ALS2: variants seen among roughly 807,000 people sequenced by gnomAD.
ALS2 encodes alsin.
ALS2 carries 117 observed loss-of-function variants against 203.4 expected under a neutral mutation model. That is an observed-to-expected ratio of 0.58 (90% CI 0.50 to 0.67). The LOEUF (loss-of-function observed/expected upper bound fraction) is 0.67, where lower values mean the gene tolerates loss of function less well. Among genes scored for constraint, ALS2 ranks in the 30% least tolerant of loss-of-function variants. The pLI, the probability that ALS2 is intolerant of heterozygous loss-of-function variation, is 0.00. For missense variants in ALS2, 1,715 were observed against 1,989.4 expected, an observed-to-expected ratio of 0.86 and a Z score of 2.62; for synonymous variants, 718 against 725.9, an observed-to-expected ratio of 0.99 and a Z score of 0.17.
At position 201,728,463 on chromosome 2, in the gene ALS2, TA is replaced by T. The variant is rs141560438; in HGVS notation, c.2841+48del. On this transcript the variant is annotated intron_variant, in intron 15 of 33. Transcript: ENST00000264276. Reference sequence around the variant, plus strand: ...AAACTGATAGTACAGTTAATAAGGATAGGGGTCCACCTTTCAGGAATTCTTT... The same window carrying T: ...AAACTGATAGTACAGTTAATAAGGATGGGGTCCACCTTTCAGGAATTCTTT... The T allele has an allele frequency of 0.046, 73,514 of 1,609,216 alleles. 1,885 individuals are homozygous for T. The highest frequency in any genetic ancestry group is 0.051 in the Non-Finnish European group (59,794 of 1,175,666).
At chr2:201,711,336 G>A (rs1157483273) in intron 25 of ALS2, among the ~76,000 whole-genome samples, 1 of 152,106 alleles carries the variant, frequency 6.6e-6, no homozygotes, top group African/African-American at 2.4e-5. Flanking sequence ...AATTAATGAA[G>A]ATTCTACAAT....
At chr2:201,725,070 G>A (rs897157684) in intron 20 of ALS2, among the ~76,000 whole-genome samples, 9 of 148,742 alleles carry the variant, frequency 6.1e-5, no homozygotes, top group Non-Finnish European at 1.2e-4. Flanking sequence ...CCAAGATTGC[G>A]CCACTGCACT....
At chr2:201,717,686 G>A (rs1264902277) in intron 24 of ALS2, among the ~76,000 whole-genome samples, 38 of 150,424 alleles carry the variant, frequency 2.5e-4, no homozygotes, top group Non-Finnish European at 5.2e-4. Flanking sequence ...GCTCATACCT[G>A]TAATCCCAGC....
At chr2:201,743,170 G>C (rs1388180073) in intron 10 of ALS2, among the ~76,000 whole-genome samples, 1 of 152,026 alleles carries the variant, frequency 6.6e-6, no homozygotes, top group African/African-American at 2.4e-5. Flanking sequence ...CTGAATTCTG[G>C]GTCAACACAG....
chr2:201,771,892 C>T (rs1013342319), intron 1 of ALS2, among the ~76,000 whole-genome samples: 30 of 152,154 alleles, frequency 2.0e-4, no homozygotes, highest in African/African-American at 7.0e-4. Context: ...ACCTGTTAAC[C>T]AGCTCTGATA....
chr2:201,758,805 T>C (rs921220677), intron 4 of ALS2, among the ~76,000 whole-genome samples: 9 of 151,944 alleles, frequency 5.9e-5, no homozygotes, highest in African/African-American at 1.9e-4. Flanking sequence ...TATTTTAACA[T>C]TGGCATCTGA....
intron 1 of ALS2, among the ~76,000 whole-genome samples, chr2:201,775,416 G>A (rs563249806): frequency 1.3e-5 from 2 of 152,286 alleles, no homozygotes; most frequent in Admixed American, 6.5e-5. Context: ...ACACTTTGCA[G>A]TAAACAATAA....
chr2:201,704,127 A>G lies in ALS2; in HGVS notation c.4930T>C (p.Leu1644=). The G allele has an allele frequency of 6.2e-7, 1 of 1,607,216 alleles. No homozygotes were observed. Among genetic ancestry groups the G allele is most frequent in the Non-Finnish European group, 8.5e-7 (1 of 1,173,760 alleles). ...HGEQGIMFTT[L]KACYYQIQRE... ...TAAATAATAACTATACTCACCTTCA[A>G]GGTGGTGAACATTATACCCTGTTCC... The change falls in exon 33 of 34, where the codon TTG becomes CTG. Residue 1644 remains leucine, a synonymous_variant. Coordinates refer to ENST00000264276, the MANE Select transcript of ALS2 (RefSeq NM_020919.4).
intron 28 of ALS2, 91 bp downstream of exon 28, chr2:201,707,778 C>T (rs1394133589): frequency 6.6e-7 from 1 of 1,521,902 alleles, no homozygotes; most frequent in South Asian, 1.1e-5. Flanking sequence ...GGAAATAGAT[C>T]TAGAGAACAC....
Position 201,764,843 on chromosome 2 carries a change from C to T in ALS2, c.175+2386G>A, listed in dbSNP as rs113419145. Among the ~76,000 whole-genome samples, 291 of 152,178 alleles carry T rather than the reference C, an allele frequency of 1.9e-3. 1 individual carries two copies. The highest frequency in any genetic ancestry group is 6.4e-3 in the African/African-American group (265 of 41,534). ...ATTTCAAACATACACTTGTGTTAGA[C>T]GACGTTTTCTTTTGGTAACTGTGAC... On this transcript the variant is annotated intron_variant, in intron 3 of 33. Coordinates refer to ENST00000264276, the MANE Select transcript of ALS2 (RefSeq NM_020919.4).
rs367791277 is a variant in ALS2 at position 201,761,767 on chromosome 2, T to G, written c.227A>C (p.Glu76Ala). Residue 76 changes from glutamate (E) to alanine (A), a missense_variant, in exon 4 of 34, where the codon GAG becomes GCG. Physicochemically the swap from Glu to Ala is moderately radical, Grantham distance 107 (BLOSUM62 -1). Around this residue, in one of 3 missense-constraint regions of ALS2, gnomAD observed 476 missense variants for 539.3 expected, o/e 0.88. Transcript: ENST00000264276. ...GTLPWRSGPV[E>A]ICPSSPILEN... ...TAGAATGGGGCTACTTGGACAAATCTCCACTGGTCCACTTCTCCAGGGAAG... is the reference window on the plus strand; with the variant it reads ...TAGAATGGGGCTACTTGGACAAATCGCCACTGGTCCACTTCTCCAGGGAAG... 1.9e-6 allele frequency: 3 copies of G among 1,612,534 alleles called. No homozygotes were observed. In the African/African-American group the frequency reaches 4.0e-5, roughly 22 times the overall value.
intron 3 of ALS2, chr2:201,765,935 T>C (rs1385118084): frequency 6.0e-6 from 1 of 165,886 alleles, no homozygotes; most frequent in African/African-American, 2.4e-5. Context: ...TAGCTGTGTG[T>C]GCTTGGGAAA....
At chr2:201,727,363 T>TGAAA in intron 16 of ALS2, 85 bp from the exon 17 acceptor site, 4 of 1,155,364 alleles carry the variant, frequency 3.5e-6, no homozygotes, top group Non-Finnish European at 3.9e-6. Context: ...AGCAACCTCT[T>TGAAA]TATTTCAAGA....
intron 12 of ALS2, 53 bp from the exon 13 acceptor site, chr2:201,733,491 G>T: frequency 6.6e-7 from 1 of 1,511,836 alleles, no homozygotes. Context: ...TTGGTAATAT[G>T]TACATTAAAT....
intron 12 of ALS2, among the ~76,000 whole-genome samples, chr2:201,737,060 A>G (rs72924768): frequency 0.028 from 4,302 of 152,276 alleles, 98 homozygotes; most frequent in Middle Eastern, 0.058. Flanking sequence ...AAGCTCCTCC[A>G]TATCTGTGAG....
At chr2:201,767,594 G>A (rs1694154982) in intron 2 of ALS2, among the ~76,000 whole-genome samples, 1 of 151,942 alleles carries the variant, frequency 6.6e-6, no homozygotes, top group South Asian at 2.1e-4. Context: ...GGGGCGTGGT[G>A]GCTCACACCT....
intron 19 of ALS2, 104 bp from the exon 20 acceptor site, chr2:201,725,558 C>T: frequency 4.1e-6 from 4 of 975,776 alleles, no homozygotes; most frequent in South Asian, 3.9e-5. Context: ...ACAGAGAAAA[C>T]ATTCACCTGT....
At chr2:201,753,543 AGAAG>A (rs1231837935) in intron 6 of ALS2, among the ~76,000 whole-genome samples, 1 of 152,212 alleles carries the variant, frequency 6.6e-6, no homozygotes, top group Non-Finnish European at 1.5e-5. Context: ...AAATAACCAC[AGAAG>A]GAAGGTAATT....
At chr2:201,754,337 T>C (rs1476916849) in intron 6 of ALS2, among the ~76,000 whole-genome samples, 166 bp downstream of exon 6, 2 of 152,138 alleles carry the variant, frequency 1.3e-5, no homozygotes, top group African/African-American at 2.4e-5. Flanking sequence ...TAAGAACAAA[T>C]TCAAGAGTAA....
Sources: allele counts gnomAD v4.1 joint callset (sites outside exome capture counted in the v4.1 genomes callset), GRCh38; gene constraint gnomAD v4.1.1; regional missense constraint gnomAD v4.1.1; transcripts MANE v1.5; gene names NCBI Gene and HGNC (gene_info 2026-07-23, HGNC 2026-07-21).